CNTN5: variants seen among roughly 807,000 people sequenced by gnomAD.
CNTN5 encodes contactin-5.
CNTN5 carries 77 observed loss-of-function variants against 129.1 expected under a neutral mutation model. The observed-to-expected ratio is 0.60, with a 90% CI of 0.50 to 0.72. CNTN5 has a LOEUF of 0.72. Ranked by LOEUF, CNTN5 falls within the 30% of genes least tolerant of loss-of-function variation. The probability of loss-of-function intolerance (pLI) is 0.00; values close to 1 mark genes in which losing one functional copy is unlikely to be tolerated. For synonymous variants in CNTN5, 509 were observed against 465.6 expected (o/e 1.09, Z -1.20); for missense variants, 1,478 against 1,328.8 (o/e 1.11, Z -1.75).
intron 6 of CNTN5, among the ~76,000 whole-genome samples, chr11:99,878,177 A>G (rs929325014): frequency 7.2e-5 from 11 of 152,218 alleles, no homozygotes; most frequent in African/African-American, 2.7e-4. Flanking sequence ...ATGAAGTTAG[A>G]TCTAGGAAAT....
intron 3 of CNTN5, among the ~76,000 whole-genome samples, chr11:99,779,444 T>G (rs1945237994): frequency 6.6e-6 from 1 of 152,012 alleles, no homozygotes. Context: ...TGACAATCAT[T>G]CTTTGATTAC....
At position 99,739,874 on chromosome 11, in the gene CNTN5, C is replaced by T. The variant is rs898672696; in HGVS notation, c.56-79670C>T. 2.6e-5 allele frequency among the ~76,000 whole-genome samples: 4 copies of T among 152,148 alleles called. No homozygotes were observed. In the East Asian group the frequency reaches 7.7e-4, roughly 29 times the overall value. Reference sequence around the variant, plus strand: ...AGTCTAGGCAAGGAGCTTTTAAAAACTTTAGCTGGCACAAGGGACTAGGTG... The same window carrying T: ...AGTCTAGGCAAGGAGCTTTTAAAAATTTTAGCTGGCACAAGGGACTAGGTG... On this transcript the variant is annotated intron_variant, in intron 3 of 24. Transcript: ENST00000524871.
intron 13 of CNTN5, among the ~76,000 whole-genome samples, chr11:100,152,769 T>C (rs1238598233): frequency 6.6e-6 from 1 of 152,148 alleles, no homozygotes; most frequent in African/African-American, 2.4e-5. Context: ...AAATGTCTAC[T>C]CTGTATGAGT....
chr11:100,293,220 A>G (rs1951031189), intron 18 of CNTN5, among the ~76,000 whole-genome samples: 1 of 151,866 alleles, frequency 6.6e-6, no homozygotes, highest in Non-Finnish European at 1.5e-5. Flanking sequence ...GTTGAGATAA[A>G]TACCATTCAT....
chr11:99,399,358 G>A (rs989236637), intron 2 of CNTN5, among the ~76,000 whole-genome samples: 1 of 151,328 alleles, frequency 6.6e-6, no homozygotes, highest in Non-Finnish European at 1.5e-5. Context: ...TCGATAAAAG[G>A]GATTTTTGGT....
At chr11:99,335,426 GT>G (rs1166710536) in intron 2 of CNTN5, among the ~76,000 whole-genome samples, 3 of 151,950 alleles carry the variant, frequency 2.0e-5, no homozygotes, top group African/African-American at 7.2e-5. Flanking sequence ...TTGCCAGACT[GT>G]TTTTGGAAGT....
rs576402328 is a variant in CNTN5, at chr11:99,573,548, C to T, written c.55+17279C>T. On this transcript the variant is annotated intron_variant, in intron 3 of 24. Transcript: ENST00000524871. ...TCACGCCACTGCACTCCAGCCTGGG[C>T]GACAGACAGAGTGAGACTCCGTCTC... Among the ~76,000 whole-genome samples the T allele has an allele frequency of 8.4e-4, 126 of 150,526 alleles. 2 individuals carry two copies. Among genetic ancestry groups the T allele is most frequent in the Non-Finnish European group, 2.5e-4 (17 of 67,688 alleles).
At chr11:100,349,434 T>A (rs1004618464) in intron 23 of CNTN5, among the ~76,000 whole-genome samples, 1 of 151,880 alleles carries the variant, frequency 6.6e-6, no homozygotes, top group African/African-American at 2.4e-5. Context: ...TTTAAGCTTA[T>A]CATACACCAG....
intron 3 of CNTN5, among the ~76,000 whole-genome samples, chr11:99,812,794 G>A (rs1946469275): frequency 6.6e-6 from 1 of 152,132 alleles, no homozygotes; most frequent in South Asian, 2.1e-4. Flanking sequence ...ATGCATCGTA[G>A]CCAAGCGTGG....
At chr11:99,205,648 T>C (rs74965531) in intron 1 of CNTN5, among the ~76,000 whole-genome samples, 8,848 of 152,266 alleles carry the variant, frequency 0.058, 341 homozygotes, top group Non-Finnish European at 0.085. Flanking sequence ...AAAGAAATTA[T>C]ACATAAAATG....
chr11:100,345,100 A>G (rs887268493), intron 23 of CNTN5, among the ~76,000 whole-genome samples: 2 of 152,266 alleles, frequency 1.3e-5, no homozygotes, highest in Non-Finnish European at 2.9e-5. Context: ...TTGCGCTGTT[A>G]TAACAGATAT....
chr11:100,184,736 G>A (rs1018263228), intron 13 of CNTN5, among the ~76,000 whole-genome samples: 1 of 152,140 alleles, frequency 6.6e-6, no homozygotes, highest in African/African-American at 2.4e-5. Context: ...TTATGCAGCA[G>A]TGGAAAACTA....
At chr11:99,346,028 C>G (rs1048777907) in intron 2 of CNTN5, among the ~76,000 whole-genome samples, 21 of 152,160 alleles carry the variant, frequency 1.4e-4, no homozygotes, top group African/African-American at 5.1e-4. Context: ...TCACACCATG[C>G]TAACATAATA....
intron 20 of CNTN5, among the ~76,000 whole-genome samples, chr11:100,302,805 A>G (rs11223581): frequency 0.058 from 8,831 of 151,644 alleles, 352 homozygotes; most frequent in East Asian, 0.23. Context: ...TCTCCACTCT[A>G]TCCCTTTCTT....
chr11:99,352,129 T>G (rs1050971731), intron 2 of CNTN5, among the ~76,000 whole-genome samples: 1 of 152,208 alleles, frequency 6.6e-6, no homozygotes, highest in East Asian at 1.9e-4. Flanking sequence ...GTGTCAGATT[T>G]GTACATGATA....
In CNTN5 at chr11:100,068,739, C is replaced by G. The variant is rs12280799; in HGVS notation, c.1163-1685C>G. 4.1e-3 allele frequency among the ~76,000 whole-genome samples: 620 copies of G among 152,266 alleles called. 5 individuals are homozygous for G. The highest frequency in any genetic ancestry group is 0.014 in the African/African-American group (598 of 41,562). On this transcript the variant is annotated intron_variant, in intron 10 of 24. Coordinates refer to ENST00000524871, the MANE Select transcript of CNTN5 (RefSeq NM_014361.4). ...AGATTTTTGAATGATAGCTTGCAGGCTTAGAAGCTGAATCACAGAATGTAT... is the reference window on the plus strand; with the variant it reads ...AGATTTTTGAATGATAGCTTGCAGGGTTAGAAGCTGAATCACAGAATGTAT...
At chr11:99,345,649 CTGT>C (rs1436196048) in intron 2 of CNTN5, among the ~76,000 whole-genome samples, 1 of 152,128 alleles carries the variant, frequency 6.6e-6, no homozygotes, top group Non-Finnish European at 1.5e-5. Flanking sequence ...GCGTTAATAC[CTGT>C]GTTTTCCATC....
intron 6 of CNTN5, among the ~76,000 whole-genome samples, chr11:99,857,493 C>G (rs995568384): frequency 6.6e-6 from 1 of 152,074 alleles, no homozygotes; most frequent in African/African-American, 2.4e-5. Context: ...TGCAGAAATA[C>G]TTCATCGATT....
chr11:100,307,817 T>C (rs1951387107), intron 20 of CNTN5, among the ~76,000 whole-genome samples: 1 of 151,602 alleles, frequency 6.6e-6, no homozygotes, highest in African/African-American at 2.4e-5. Context: ...ATGAACATTT[T>C]TAACGCCAAG....
Sources: gnomAD v4.1 joint callset for allele counts (sites outside exome capture counted in the v4.1 genomes callset) on GRCh38, gnomAD v4.1.1 for gene constraint, MANE v1.5 for transcripts, NCBI Gene and HGNC (gene_info 2026-07-23, HGNC 2026-07-21) for gene names.